Variants in ADARB2 observed in about 807,000 individuals in gnomAD.
ADARB2 encodes the protein adenosine deaminase RNA specific B2 (inactive), also known as inactive double-stranded RNA-specific editase B2.
A neutral mutation model predicts 62.2 loss-of-function variants in ADARB2; 25 were observed. That is an observed-to-expected ratio of 0.40 (90% CI 0.29 to 0.56). The LOEUF (loss-of-function observed/expected upper bound fraction) is 0.56. Ranked by LOEUF, ADARB2 falls within the 20% of genes least tolerant of loss-of-function variation. ADARB2 has a pLI of 0.43. For missense variants in ADARB2, 1,071 were observed against 1,077.4 expected, an observed-to-expected ratio of 0.99 and a Z score of 0.08; for synonymous variants, 572 against 500.8, an observed-to-expected ratio of 1.14 and a Z score of -1.90.
intron 1 of ADARB2, among the ~76,000 whole-genome samples, chr10:1,688,220 C>T (rs1460167845): frequency 6.6e-6 from 1 of 152,214 alleles, no homozygotes; most frequent in Non-Finnish European, 1.5e-5. Flanking sequence ...CTTCTGACCA[C>T]CCTGTCCCAC....
At chr10:1,625,765 C>A (rs560473388) in intron 1 of ADARB2, among the ~76,000 whole-genome samples, 47 of 152,234 alleles carry the variant, frequency 3.1e-4, no homozygotes, top group South Asian at 1.5e-3. Context: ...GTGTCCCCAG[C>A]GAGGCCTGCC....
chr10:1,651,171 T>C (rs571015417), intron 1 of ADARB2, among the ~76,000 whole-genome samples: 11 of 152,302 alleles, frequency 7.2e-5, no homozygotes, highest in African/African-American at 2.6e-4. Context: ...GCAGGGACAG[T>C]TCTCGCCACA....
In ADARB2 at chr10:1,536,589, C is replaced by G. The variant is rs113627148; in HGVS notation, c.101-157429G>C. On this transcript the variant is annotated intron_variant, in intron 1 of 9. Transcript: ENST00000381312. The stretch of plus-strand genomic sequence containing the variant: ...GGTGGCCGCCTCCTTTCAGATTACT[C>G]ACGGCTCTAGAATCTAGCTTATATG... Among the ~76,000 whole-genome samples, 159 of 152,330 alleles carry G rather than the reference C, an allele frequency of 1.0e-3. 1 individual carries two copies. The highest frequency in any genetic ancestry group is 3.7e-3 in the African/African-American group (153 of 41,576).
chr10:1,607,642 C>A (rs1437687062), intron 1 of ADARB2, among the ~76,000 whole-genome samples: 1 of 152,204 alleles, frequency 6.6e-6, no homozygotes, highest in East Asian at 1.9e-4. Flanking sequence ...AGTACGAGAG[C>A]TCGTTGATGC....
At chr10:1,467,563 A>G (rs999446029) in intron 1 of ADARB2, among the ~76,000 whole-genome samples, 2 of 152,154 alleles carry the variant, frequency 1.3e-5, no homozygotes, top group African/African-American at 4.8e-5. Context: ...GACAAATCCA[A>G]AGGCACCTGC....
intron 1 of ADARB2, among the ~76,000 whole-genome samples, chr10:1,406,572 G>A (rs1293263570): frequency 6.6e-6 from 1 of 152,198 alleles, no homozygotes; most frequent in Non-Finnish European, 1.5e-5. Flanking sequence ...TGGGTTGATG[G>A]GTCTTTCAAA....
At chr10:1,726,069 G>A (rs1835160033) in intron 1 of ADARB2, among the ~76,000 whole-genome samples, 1 of 152,214 alleles carries the variant, frequency 6.6e-6, no homozygotes, top group South Asian at 2.1e-4. Flanking sequence ...CAAGTTTTGA[G>A]GTATTACTAA....
At chr10:1,443,339 C>T (rs1167650212) in intron 1 of ADARB2, among the ~76,000 whole-genome samples, 6 of 152,164 alleles carry the variant, frequency 3.9e-5, no homozygotes, top group African/African-American at 1.4e-4. Flanking sequence ...TATGCTCCCT[C>T]AAAACTAACT....
intron 1 of ADARB2, among the ~76,000 whole-genome samples, chr10:1,648,301 C>T (rs893005798): frequency 6.6e-6 from 1 of 152,154 alleles, no homozygotes; most frequent in Non-Finnish European, 1.5e-5. Context: ...AACCCTTTCA[C>T]ACACAACCAG....
chr10:1,659,258 A>G (rs536871583), intron 1 of ADARB2, among the ~76,000 whole-genome samples: 4 of 152,324 alleles, frequency 2.6e-5, no homozygotes, highest in Non-Finnish European at 4.4e-5. Context: ...CATTACAATG[A>G]AAAGACCGAA....
At chr10:1,409,016 G>A (rs1313338278) in intron 1 of ADARB2, among the ~76,000 whole-genome samples, 1 of 152,228 alleles carries the variant, frequency 6.6e-6, no homozygotes, top group Non-Finnish European at 1.5e-5. Flanking sequence ...GGCCGGCTGT[G>A]CTGCTCTCTG....
intron 4 of ADARB2, among the ~76,000 whole-genome samples, 178 bp downstream of exon 4, chr10:1,270,777 A>G (rs1396486846): frequency 6.6e-6 from 1 of 152,156 alleles, no homozygotes; most frequent in Non-Finnish European, 1.5e-5. Flanking sequence ...CATGGTCAGG[A>G]TGGCTTTTCC....
intron 6 of ADARB2, among the ~76,000 whole-genome samples, chr10:1,222,551 C>T (rs1224560181): frequency 2.0e-5 from 3 of 149,432 alleles, no homozygotes; most frequent in Admixed American, 6.6e-5. Context: ...GGTTTTAGGT[C>T]TAACATGTAA....
chr10:1,642,692 C>T (rs10751809), intron 1 of ADARB2, among the ~76,000 whole-genome samples: 74,657 of 151,108 alleles, frequency 0.49, 20,558 homozygotes, highest in East Asian at 0.69. Flanking sequence ...ACCATAGACA[C>T]TCACACACTC....
intron 6 of ADARB2, among the ~76,000 whole-genome samples, chr10:1,230,460 A>T (rs17156113): frequency 0.028 from 4,245 of 152,316 alleles, 192 homozygotes; most frequent in African/African-American, 0.096. Context: ...GGCCACTGGC[A>T]TCCCCTTATC....
At chr10:1,394,397 C>T (rs1236387265) in intron 1 of ADARB2, among the ~76,000 whole-genome samples, 1 of 152,220 alleles carries the variant, frequency 6.6e-6, no homozygotes. Flanking sequence ...CTGTTAAGTG[C>T]CTCAGCTTCT....
At chr10:1,263,069 G>T (rs1831158582) in intron 4 of ADARB2, among the ~76,000 whole-genome samples, 1 of 145,688 alleles carries the variant, frequency 6.9e-6, no homozygotes, top group Non-Finnish European at 1.5e-5. Flanking sequence ...CTCATAGGTG[G>T]GAATTGAACA....
chr10:1,341,418 C>T (rs545520197), intron 3 of ADARB2, among the ~76,000 whole-genome samples: 1 of 144,794 alleles, frequency 6.9e-6, no homozygotes, highest in African/African-American at 2.7e-5. Context: ...CAGCATCCAC[C>T]AGAGAACGAC....
At chr10:1,405,932 A>C (rs947514738) in intron 1 of ADARB2, among the ~76,000 whole-genome samples, 1 of 151,356 alleles carries the variant, frequency 6.6e-6, no homozygotes, top group Non-Finnish European at 1.5e-5. Context: ...CGTTTATTAA[A>C]CCCTTCGCCA....
Sources: allele counts gnomAD v4.1 joint callset (sites outside exome capture counted in the v4.1 genomes callset), GRCh38; gene constraint gnomAD v4.1.1; transcripts MANE v1.5; gene names NCBI Gene and HGNC (gene_info 2026-07-23, HGNC 2026-07-21).